The following DCX variants were observed in gnomAD, a reference collection of about 807,000 sequenced individuals.
DCX encodes the protein doublecortin, also known as neuronal migration protein doublecortin.
A neutral mutation model predicts 20.9 loss-of-function variants in DCX; 4 were observed. The ratio of observed to expected loss-of-function variants is 0.19; its 90% CI spans 0.09 to 0.44. The LOEUF (loss-of-function observed/expected upper bound fraction) is 0.44, where lower values mean the gene tolerates loss of function less well. DCX is among the 20% of genes least tolerant of loss of function. The pLI, the probability that DCX is intolerant of heterozygous loss-of-function variation, is 0.99. For missense variants in DCX, 133 were observed against 296.9 expected, an observed-to-expected ratio of 0.45 and a Z score of 4.06; for synonymous variants, 103 against 111.4, an observed-to-expected ratio of 0.92 and a Z score of 0.47.
At chrX:111,339,752 C>T (rs892620970) in intron 3 of DCX, among the ~76,000 whole-genome samples, 1 of 111,842 alleles carries the variant, frequency 8.9e-6, no homozygotes, top group Non-Finnish European at 1.9e-5. Flanking sequence ...TGATAGGCAT[C>T]CCATGTTTAA....
chrX:111,345,489 A>T (rs147364085), intron 3 of DCX, among the ~76,000 whole-genome samples: 1,607 of 111,958 alleles, frequency 0.014, 26 homozygotes, highest in African/African-American at 0.049. Flanking sequence ...TTTGCAATGT[A>T]CCCATCTGAC....
At chrX:111,358,751 T>C (rs1332002779) in intron 3 of DCX, among the ~76,000 whole-genome samples, 1 of 111,842 alleles carries the variant, frequency 8.9e-6, no homozygotes, top group Non-Finnish European at 1.9e-5. Flanking sequence ...TGCAATAAGA[T>C]AGTTCAACAA....
intron 3 of DCX, among the ~76,000 whole-genome samples, chrX:111,349,017 A>T (rs1228096026): frequency 3.6e-5 from 4 of 111,688 alleles, no homozygotes; most frequent in Non-Finnish European, 5.6e-5. Flanking sequence ...TTTGAGATCT[A>T]TATCTTTTTT....
intron 2 of DCX, among the ~76,000 whole-genome samples, chrX:111,405,431 A>G: frequency 8.9e-6 from 1 of 112,202 alleles, no homozygotes; most frequent in South Asian, 3.7e-4. Context: ...ATTCATCTCA[A>G]TGAAACATAT....
chrX:111,389,532 G>A (rs2147246394), intron 3 of DCX, among the ~76,000 whole-genome samples: 1 of 111,354 alleles, frequency 9.0e-6, no homozygotes, highest in South Asian at 3.9e-4. Flanking sequence ...CCACTTAGAT[G>A]TAGCAAAGTA....
At chrX:111,311,553 G>A (rs1300976021) in intron 6 of DCX, among the ~76,000 whole-genome samples, 2 of 111,562 alleles carry the variant, frequency 1.8e-5, no homozygotes, top group Non-Finnish European at 3.8e-5. Flanking sequence ...ACTCAATACA[G>A]AGTTGAGAAG....
At chrX:111,317,011 A>G (rs1260840781) in intron 5 of DCX, among the ~76,000 whole-genome samples, 2 of 112,402 alleles carry the variant, frequency 1.8e-5, no homozygotes, top group Admixed American at 1.9e-4. Context: ...AAAACAATGT[A>G]CAGATTAAAT....
chrX:111,327,850 G>A (rs1442541923), intron 5 of DCX, among the ~76,000 whole-genome samples: 1 of 112,249 alleles, frequency 8.9e-6, no homozygotes, highest in East Asian at 2.8e-4. Flanking sequence ...AATGTTCACT[G>A]AATGGATGCC....
intron 3 of DCX, among the ~76,000 whole-genome samples, chrX:111,333,743 A>G (rs1257247529): frequency 8.9e-6 from 1 of 112,169 alleles, no homozygotes; most frequent in East Asian, 2.8e-4. Flanking sequence ...GGAAAACTTC[A>G]TCATGAGCAA....
At chrX:111,385,701 GCAAGAAAGCAAGAAAGC>G (rs1389507459) in intron 3 of DCX, among the ~76,000 whole-genome samples, 1 of 61,535 alleles carries the variant, frequency 1.6e-5, no homozygotes, top group Non-Finnish European at 3.6e-5. Flanking sequence ...AAGCAAGAAA[GCAAGAAAGCAAGAAAGC>G]AAGGAAGGAA....
At chrX:111,361,932 G>A (rs1337007414) in intron 3 of DCX, among the ~76,000 whole-genome samples, 1 of 111,817 alleles carries the variant, frequency 8.9e-6, no homozygotes, top group Non-Finnish European at 1.9e-5. Flanking sequence ...ATGAATTAGG[G>A]CTATTCCAAT....
intron 3 of DCX, among the ~76,000 whole-genome samples, chrX:111,378,312 A>AGC (rs1231691683): frequency 9.0e-6 from 1 of 111,517 alleles, no homozygotes; most frequent in Non-Finnish European, 1.9e-5. Flanking sequence ...TTCAAACATT[A>AGC]GCGTGTACGT....
At chrX:111,395,734 C>G (rs928680266) in intron 3 of DCX, among the ~76,000 whole-genome samples, 2 of 112,129 alleles carry the variant, frequency 1.8e-5, no homozygotes, top group African/African-American at 6.5e-5. Flanking sequence ...AACTTTCCAG[C>G]CTTGATCTTC....
rs374872722 is a variant in DCX at position 111,333,173 on chromosome X, A to G, written c.706-20T>C. The G allele has an allele frequency of 9.0e-6, 10 of 1,108,432 alleles. No homozygotes were observed. Among genetic ancestry groups the G allele is most frequent in the Non-Finnish European group, 1.2e-5 (10 of 803,398 alleles). The allele number at this position is 1,108,432 out of a possible 1,213,427, so 91.3% of individuals were successfully genotyped here. A position where few individuals can be genotyped will look rare whatever the true frequency, so the allele number is the denominator to read the frequency against. Reference sequence around the variant, plus strand: ...AGTTACCTATGGAGAAAGCAGAAACACTGATTGTATATGATGGTCCTGTGA... The same window carrying G: ...AGTTACCTATGGAGAAAGCAGAAACGCTGATTGTATATGATGGTCCTGTGA... On this transcript the variant is annotated intron_variant, in intron 3 of 6. Coordinates refer to ENST00000636035, the MANE Select transcript of DCX (RefSeq NM_001195553.2).
intron 5 of DCX, among the ~76,000 whole-genome samples, chrX:111,320,742 T>C (rs1231147250): frequency 1.8e-5 from 2 of 110,183 alleles, no homozygotes; most frequent in African/African-American, 3.3e-5. Flanking sequence ...ACCTTTTCAA[T>C]CTTATCAACA....
intron 3 of DCX, among the ~76,000 whole-genome samples, chrX:111,368,408 T>G (rs1041230011): frequency 2.7e-5 from 3 of 111,959 alleles, no homozygotes; most frequent in African/African-American, 9.7e-5. Flanking sequence ...CTGAGTGGCC[T>G]GATCTAATTT....
intron 5 of DCX, among the ~76,000 whole-genome samples, chrX:111,324,779 T>A (rs914807572): frequency 8.9e-5 from 10 of 112,119 alleles, no homozygotes; most frequent in African/African-American, 2.6e-4. Flanking sequence ...AGGGAATTCA[T>A]CTTAACATCC....
At chrX:111,378,688 A>C (rs755768685) in intron 3 of DCX, among the ~76,000 whole-genome samples, 4 of 111,036 alleles carry the variant, frequency 3.6e-5, no homozygotes, top group Admixed American at 2.9e-4. Flanking sequence ...TTGTCTGTCT[A>C]GTAAGCATCC....
chrX:111,327,269 C>T (rs748128307), intron 5 of DCX, among the ~76,000 whole-genome samples: 11 of 112,034 alleles, frequency 9.8e-5, no homozygotes, highest in African/African-American at 3.2e-4. Flanking sequence ...AGGATGGAAA[C>T]AGGGTGGTAC....
Sources: gnomAD v4.1 joint callset for allele counts (sites outside exome capture counted in the v4.1 genomes callset) on GRCh38, gnomAD v4.1.1 for gene constraint, MANE v1.5 for transcripts, NCBI Gene and HGNC (gene_info 2026-07-23, HGNC 2026-07-21) for gene names.